TNC: variants seen among roughly 807,000 people sequenced by gnomAD.
The protein encoded by TNC is tenascin.
A neutral mutation model predicts 202.4 loss-of-function variants in TNC; 109 were observed. The observed-to-expected ratio is 0.54, with a 90% CI of 0.46 to 0.63. The LOEUF (loss-of-function observed/expected upper bound fraction) is 0.63, where lower values mean the gene tolerates loss of function less well. Among genes scored for constraint, TNC ranks in the 30% least tolerant of loss-of-function variants. The pLI, the probability that TNC is intolerant of heterozygous loss-of-function variation, is 0.00. For missense variants in TNC, 2,756 were observed against 2,833.3 expected (o/e 0.97, Z 0.62); for synonymous variants, 1,007 against 1,089.7 (o/e 0.92, Z 1.50).
At position 115,046,565 on chromosome 9, in the gene TNC, G is replaced by A. The variant is rs745672568; in HGVS notation, c.4970C>T (p.Thr1657Ile). 2 of 1,614,030 alleles carry A rather than the reference G, an allele frequency of 1.2e-6. No homozygotes were observed. The highest frequency in any genetic ancestry group is 1.1e-5 in the South Asian group (1 of 91,072). ...TTCCAGTGGCTCAGACTGCTTTTTG[G>A]TATCTCTGATTTTGAGAACAAAATT... is the stretch of plus-strand genomic sequence containing the variant. ...FDNFVLKIRD[T>I]KKQSEPLEIT... is the part of the protein sequence containing the mutation. The change falls in exon 17 of 28, where the codon ACC (threonine) becomes ATC (isoleucine). Residue 1657 changes from threonine (T) to isoleucine (I), a missense_variant. Thr to Ile is a moderately conservative substitution (Grantham distance 89, BLOSUM62 -1). Coordinates refer to ENST00000350763, the MANE Select transcript of TNC (RefSeq NM_002160.4).
intron 17 of TNC, among the ~76,000 whole-genome samples, chr9:115,042,715 A>G (rs2132009776): frequency 6.6e-6 from 1 of 152,284 alleles, no homozygotes; most frequent in South Asian, 2.1e-4. Context: ...AAATAATACT[A>G]AGACTTGACA....
chr9:115,021,617 G>A (rs1225063516), intron 27 of TNC, among the ~76,000 whole-genome samples: 3 of 152,148 alleles, frequency 2.0e-5, no homozygotes, highest in African/African-American at 7.2e-5. Flanking sequence ...ATTATTAGAA[G>A]TTCTAGAATT....
chr9:115,030,643 G>C (rs1829876974), intron 23 of TNC, among the ~76,000 whole-genome samples: 1 of 152,202 alleles, frequency 6.6e-6, no homozygotes. Context: ...ATCTGAGGTT[G>C]TATCATGAGC....
chr9:115,114,675 T>C lies in TNC; in HGVS notation c.-137+3307A>G, dbSNP rs1042968576. ...ATTCACTGAAAGACACCATTTAAGG[T>C]TCTAAACTTGGTCAGCACAGCCTGA... On this transcript the variant is annotated intron_variant, in intron 1 of 27. Coordinates refer to ENST00000350763, the MANE Select transcript of TNC (RefSeq NM_002160.4). 3.3e-5 allele frequency among the ~76,000 whole-genome samples: 5 copies of C among 152,128 alleles called. No individual in the cohort carries two copies. In the South Asian group the frequency reaches 1.0e-3, roughly 31 times the overall value.
chr9:115,072,853 C>G (rs984994163), intron 10 of TNC, among the ~76,000 whole-genome samples: 3 of 152,110 alleles, frequency 2.0e-5, no homozygotes, highest in Non-Finnish European at 4.4e-5. Flanking sequence ...TATTTGGTGG[C>G]CAAAATTGAA....
chr9:115,075,897 GGGCTAGAT>G (rs1325977414), intron 9 of TNC, 127 bp downstream of exon 9: 2 of 708,742 alleles, frequency 2.8e-6, no homozygotes, highest in Non-Finnish European at 4.9e-6. Context: ...TTCAACATTG[GGGCTAGAT>G]GGTACTACAG....
Position 115,076,383 on chromosome 9 carries a change from A to C in TNC, c.2860+7T>G. The C allele has an allele frequency of 6.2e-7, 1 of 1,613,754 alleles. No individual in the cohort carries two copies. The highest frequency in any genetic ancestry group is 8.5e-7 in the Non-Finnish European group (1 of 1,179,844). On this transcript the variant is annotated splice_region_variant and intron_variant, in intron 8 of 27. Coordinates refer to ENST00000350763, the MANE Select transcript of TNC (RefSeq NM_002160.4). ...CTGGCTCAGGCTTGCAGAGATGCAG[A>C]GCTCACCTGTGAGTGTGGTTTTGGT...
chr9:115,085,812 G>A, intron 3 of TNC, 52 bp downstream of exon 3: 1 of 1,513,454 alleles, frequency 6.6e-7, no homozygotes, highest in East Asian at 2.4e-5. Flanking sequence ...ACCCATACTA[G>A]GAGTCCACTC....
At chr9:115,099,990 C>A (rs1302282686) in intron 1 of TNC, among the ~76,000 whole-genome samples, 1 of 152,194 alleles carries the variant, frequency 6.6e-6, no homozygotes, top group Non-Finnish European at 1.5e-5. Flanking sequence ...AACTCAGTAG[C>A]AAGAAAAGCA....
chr9:115,115,695 GC>G (rs1437628879), intron 1 of TNC, among the ~76,000 whole-genome samples: 4 of 152,140 alleles, frequency 2.6e-5, no homozygotes, highest in African/African-American at 9.7e-5. Flanking sequence ...ACTCAGAGGG[GC>G]AAAAATCCTT....
At chr9:115,096,221 C>A (rs558884788) in intron 1 of TNC, among the ~76,000 whole-genome samples, 1 of 152,072 alleles carries the variant, frequency 6.6e-6, no homozygotes, top group East Asian at 1.9e-4. Flanking sequence ...AAAACTTCCC[C>A]GTGAGATAGA....
intron 1 of TNC, among the ~76,000 whole-genome samples, chr9:115,113,456 T>C (rs1280065523): frequency 1.3e-5 from 2 of 152,190 alleles, no homozygotes; most frequent in Non-Finnish European, 2.9e-5. Flanking sequence ...CCTCAGTAAA[T>C]ATTAGCTATT....
In TNC at chr9:115,081,677, T is replaced by C. The variant is rs890794205; in HGVS notation, c.2404+95A>G. On this transcript the variant is annotated intron_variant, in intron 6 of 27. Transcript: ENST00000350763. ...TAAAAATGCAGCAAAAGTTAAATGA[T>C]GTAGATGCTATATGAGAAGGCACTT... 11 of 1,331,238 alleles carry C rather than the reference T, an allele frequency of 8.3e-6. No homozygotes were observed. The East Asian group carries it at 1.8e-4, about 22-fold the overall frequency. The allele number at this position is 1,331,238 out of a possible 1,614,324, so 82.5% of individuals were successfully genotyped here.
chr9:115,086,547 T>A lies in TNC; in HGVS notation c.1184A>T (p.Asp395Val). 6.2e-7 allele frequency: 1 copy of A among 1,613,896 alleles called. No homozygotes were observed. Among genetic ancestry groups the A allele is most frequent in the Non-Finnish European group, 8.5e-7 (1 of 1,179,984 alleles). Residue 395 changes from aspartate (D) to valine (V), a missense_variant, in exon 3 of 28, where the codon GAT (aspartate) becomes GTT (valine). Asp to Val is a radical substitution (Grantham distance 152). Transcript: ENST00000350763. ...GRCVDGRCEC[D>V]DGFTGADCGE... ...ACAGTCAGCTCCAGTGAAACCATCA[T>A]CACACTCACACCGCCCGTCTACACA...
At chr9:115,077,326 G>A (rs1833948457) in intron 7 of TNC, among the ~76,000 whole-genome samples, 1 of 152,204 alleles carries the variant, frequency 6.6e-6, no homozygotes, top group South Asian at 2.1e-4. Context: ...AAAGTGCTGG[G>A]ATTACAGGCG....
At chr9:115,036,354 G>A in intron 20 of TNC, 113 bp from the exon 21 acceptor site, 1 of 1,230,044 alleles carries the variant, frequency 8.1e-7, no homozygotes, top group Non-Finnish European at 1.2e-6. Context: ...CAGTGACCCT[G>A]CGGAAAAGCA....
chr9:115,089,669 T>C (rs1835066893), intron 2 of TNC, among the ~76,000 whole-genome samples: 1 of 152,082 alleles, frequency 6.6e-6, no homozygotes, highest in South Asian at 2.1e-4. Context: ...CCCTGCTAAT[T>C]TTGTATTTTT....
At chr9:115,096,801 G>T (rs1442815612) in intron 1 of TNC, among the ~76,000 whole-genome samples, 1 of 152,204 alleles carries the variant, frequency 6.6e-6, no homozygotes, top group African/African-American at 2.4e-5. Context: ...CCCTGTGTCA[G>T]ATCAGCATCT....
intron 12 of TNC, among the ~76,000 whole-genome samples, chr9:115,063,510 G>A (rs1038323547): frequency 6.6e-6 from 1 of 152,092 alleles, no homozygotes; most frequent in Non-Finnish European, 1.5e-5. Context: ...TTCATTTACA[G>A]GTTGGGCTTT....
Sources: allele counts gnomAD v4.1 joint callset (sites outside exome capture counted in the v4.1 genomes callset), GRCh38; gene constraint gnomAD v4.1.1; transcripts MANE v1.5; gene names NCBI Gene and HGNC (gene_info 2026-07-23, HGNC 2026-07-21).